NPEPPS: variants seen among roughly 807,000 people sequenced by gnomAD.
The protein encoded by NPEPPS is puromycin-sensitive aminopeptidase.
Under a neutral mutation model 115.5 loss-of-function variants are expected in NPEPPS, and 14 were observed. That is an observed-to-expected ratio of 0.12 (90% CI 0.08 to 0.19). NPEPPS has a LOEUF of 0.19. Ranked by LOEUF, NPEPPS falls within the 10% of genes least tolerant of loss-of-function variation. The probability of loss-of-function intolerance (pLI) is 1.00; values close to 1 mark genes in which losing one functional copy is unlikely to be tolerated. For synonymous variants in NPEPPS, 285 were observed against 390.6 expected (o/e 0.73, Z 3.19); for missense variants, 523 against 1,110.8 (o/e 0.47, Z 7.52).
chr17:47,572,701 A>G (rs1911270517), intron 3 of NPEPPS, among the ~76,000 whole-genome samples: 1 of 152,182 alleles, frequency 6.6e-6, no homozygotes, highest in African/African-American at 2.4e-5. Context: ...AAACAGAAAA[A>G]TAGATTTGAG....
At chr17:47,528,329 A>G (rs1216166854), upstream of NPEPPS, among the ~76,000 whole-genome samples, 3 of 152,154 alleles carry the variant, frequency 2.0e-5, no homozygotes, top group Non-Finnish European at 2.9e-5. Context: ...TGTTATTTAA[A>G]TTATTATTTC....
intron 13 of NPEPPS, among the ~76,000 whole-genome samples, chr17:47,598,561 A>G (rs1172238062): frequency 2.0e-5 from 3 of 152,176 alleles, no homozygotes; most frequent in Non-Finnish European, 4.4e-5. Flanking sequence ...GGAGTTTGAG[A>G]CCAGCCTGGG....
At chr17:47,529,735 CATTATATATATATATATATATA>C (rs1463151671), upstream of NPEPPS, among the ~76,000 whole-genome samples, 7 of 19,012 alleles carry the variant, frequency 3.7e-4, 1 homozygote, top group Non-Finnish European at 7.2e-4. Context: ...ATTTCAGTTA[CATTATATATATATATATATATA>C]TATATATATG....
intron 12 of NPEPPS, among the ~76,000 whole-genome samples, chr17:47,593,381 A>AC (rs1409583585): frequency 6.6e-6 from 1 of 151,850 alleles, no homozygotes; most frequent in Non-Finnish European, 1.5e-5. Context: ...ACATAGCGAG[A>AC]CCCCACCTCT....
At position 47,535,889 on chromosome 17, in the gene NPEPPS, T is replaced by G. The variant is rs1908208660; in HGVS notation, c.255+4334T>G. The stretch of plus-strand genomic sequence containing the variant: ...TCTTGCTCTGCCACCCAGGCTGGAG[T>G]GCAGTGGCGGGATCTTGGCTCACTG... On this transcript the variant is annotated intron_variant, in intron 1 of 22. Coordinates refer to ENST00000322157, the MANE Select transcript of NPEPPS (RefSeq NM_006310.4). Among the ~76,000 whole-genome samples the G allele has an allele frequency of 3.5e-5, 5 of 142,518 alleles. No individual in the cohort carries two copies. The Admixed American group carries it at 3.9e-4, about 11-fold the overall frequency. 93.5% of individuals were successfully genotyped at this position (142,518 alleles called of 152,430 possible).
At chr17:47,534,229 C>T (rs1476392585) in intron 1 of NPEPPS, among the ~76,000 whole-genome samples, 1 of 152,046 alleles carries the variant, frequency 6.6e-6, no homozygotes, top group Admixed American at 6.6e-5. Flanking sequence ...GTAGCTGGGA[C>T]TACAGGTGCC....
chr17:47,529,924 T>G (rs1907610858), upstream of NPEPPS, among the ~76,000 whole-genome samples: 1 of 124,044 alleles, frequency 8.1e-6, no homozygotes, highest in Non-Finnish European at 1.8e-5. Context: ...CCCATTTTAT[T>G]TATTTATTTA....
intron 3 of NPEPPS, among the ~76,000 whole-genome samples, chr17:47,572,042 C>CA (rs34187971): frequency 0.4 from 60,479 of 151,680 alleles, 12,930 homozygotes; most frequent in East Asian, 0.55. Flanking sequence ...AGTGAGCGGG[C>CA]AGCCACTCTC....
At chr17:47,537,045 G>C (rs2143675271) in intron 1 of NPEPPS, among the ~76,000 whole-genome samples, 1 of 151,950 alleles carries the variant, frequency 6.6e-6, no homozygotes, top group South Asian at 2.1e-4. Context: ...AATCATTTTG[G>C]CCAACACTGT....
chr17:47,613,510 G>T (rs551431232), intron 18 of NPEPPS, among the ~76,000 whole-genome samples, 159 bp from the exon 19 acceptor site: 9 of 151,812 alleles, frequency 5.9e-5, no homozygotes, highest in African/African-American at 2.2e-4. Flanking sequence ...CAGGTGATCC[G>T]CCTGCCTCGG....
At chr17:47,575,983 A>G (rs1301833396) in intron 3 of NPEPPS, among the ~76,000 whole-genome samples, 3 of 152,130 alleles carry the variant, frequency 2.0e-5, no homozygotes, top group Non-Finnish European at 4.4e-5. Context: ...TTAAGAATGA[A>G]GTTAATCTTT....
intron 17 of NPEPPS, among the ~76,000 whole-genome samples, chr17:47,610,631 C>T (rs1205398044): frequency 6.6e-6 from 1 of 151,870 alleles, no homozygotes; most frequent in Non-Finnish European, 1.5e-5. Flanking sequence ...ATCTGCCTGC[C>T]TCAGCCTCCC....
chr17:47,593,474 C>T (rs1912640992), intron 12 of NPEPPS, among the ~76,000 whole-genome samples: 1 of 151,998 alleles, frequency 6.6e-6, no homozygotes, highest in African/African-American at 2.4e-5. Flanking sequence ...TGGGAAGGGT[C>T]ACTTGAGCCC....
chr17:47,596,255 A>C, intron 12 of NPEPPS, 98 bp from the exon 13 acceptor site: 1 of 689,706 alleles, frequency 1.4e-6, no homozygotes, highest in Non-Finnish European at 2.3e-6. Flanking sequence ...AAAGAACCAA[A>C]GAATTAGCAG....
At chr17:47,556,972 T>C (rs1910087262) in intron 2 of NPEPPS, among the ~76,000 whole-genome samples, 1 of 152,176 alleles carries the variant, frequency 6.6e-6, no homozygotes, top group Non-Finnish European at 1.5e-5. Context: ...CCCAGATCTT[T>C]TTCAGTTTTC....
At chr17:47,578,814 A>T (rs528394130) in intron 3 of NPEPPS, among the ~76,000 whole-genome samples, 12 of 152,128 alleles carry the variant, frequency 7.9e-5, no homozygotes, top group African/African-American at 2.6e-4. Context: ...TTAGTGTCTT[A>T]TCTTGATAGA....
At chr17:47,570,967 A>G (rs1403312460) in intron 3 of NPEPPS, among the ~76,000 whole-genome samples, 1 of 152,232 alleles carries the variant, frequency 6.6e-6, no homozygotes, top group Non-Finnish European at 1.5e-5. Context: ...GAAAAGTCAT[A>G]AATACAGAAA....
chr17:47,544,110 G>A (rs1004297990), intron 1 of NPEPPS, among the ~76,000 whole-genome samples: 6 of 152,090 alleles, frequency 3.9e-5, no homozygotes, highest in Admixed American at 1.3e-4. Flanking sequence ...TAGCCAGGAT[G>A]GTCTCGATCT....
intron 3 of NPEPPS, among the ~76,000 whole-genome samples, chr17:47,574,931 G>C (rs911369008): frequency 1.3e-5 from 2 of 152,094 alleles, no homozygotes; most frequent in East Asian, 1.9e-4. Context: ...CTATTTTGTA[G>C]ATAAACTAAG....
Sources: gnomAD v4.1 joint callset for allele counts (sites outside exome capture counted in the v4.1 genomes callset) on GRCh38, gnomAD v4.1.1 for gene constraint, MANE v1.5 for transcripts, NCBI Gene and HGNC (gene_info 2026-07-23, HGNC 2026-07-21) for gene names.